Variants in IL12RB2 observed in about 807,000 individuals in gnomAD.
IL12RB2 encodes interleukin-12 receptor subunit beta-2.
IL12RB2 carries 82 observed loss-of-function variants against 89.4 expected under a neutral mutation model. The observed-to-expected ratio is 0.92, with a 90% CI of 0.77 to 1.10. The LOEUF (loss-of-function observed/expected upper bound fraction) is 1.10. Ranked by LOEUF, IL12RB2 falls within the 50% of genes least tolerant of loss-of-function variation. The probability of loss-of-function intolerance (pLI) is 0.00; values close to 1 mark genes in which losing one functional copy is unlikely to be tolerated. For missense variants in IL12RB2, 963 were observed against 1,031.9 expected, an observed-to-expected ratio of 0.93 and a Z score of 0.92; for synonymous variants, 368 against 370.1, an observed-to-expected ratio of 0.99 and a Z score of 0.07.
intron 9 of IL12RB2, 176 bp downstream of exon 9, chr1:67,338,879 T>G: frequency 1.6e-6 from 1 of 630,518 alleles, no homozygotes; most frequent in Non-Finnish European, 2.9e-6. Flanking sequence ...AGAGCTGAGT[T>G]CCTTCTTCCA....
chr1:67,387,014 C>T (rs928665014), intron 15 of IL12RB2, among the ~76,000 whole-genome samples: 6 of 151,066 alleles, frequency 4.0e-5, no homozygotes, highest in South Asian at 2.1e-4. Flanking sequence ...CTGCAACCTC[C>T]GCCTCCTGGG....
chr1:67,317,751 A>G (rs921303575), intron 2 of IL12RB2, among the ~76,000 whole-genome samples: 2 of 152,188 alleles, frequency 1.3e-5, no homozygotes, highest in African/African-American at 4.8e-5. Flanking sequence ...CCTCCTTCGC[A>G]TCTTTCTTTC....
chr1:67,379,948 C>T, intron 13 of IL12RB2, 38 bp from the exon 14 acceptor site: 1 of 1,486,178 alleles, frequency 6.7e-7, no homozygotes, highest in South Asian at 1.1e-5. Flanking sequence ...AAGCCATATC[C>T]TTTAATACAT....
chr1:67,387,351 C>T (rs1665309615), intron 15 of IL12RB2, among the ~76,000 whole-genome samples: 1 of 151,924 alleles, frequency 6.6e-6, no homozygotes, highest in Admixed American at 6.6e-5. Flanking sequence ...TTAACTAAAT[C>T]CTGATATATC....
At position 67,395,549 on chromosome 1, in the gene IL12RB2, G is replaced by GAAGACACA. The variant is rs1262398674; in HGVS notation, c.2050_2057dup (p.Leu687ArgfsTer10). The GAAGACACA allele has an allele frequency of 1.9e-6, 3 of 1,614,124 alleles. No homozygotes were observed. The highest frequency in any genetic ancestry group is 2.5e-6 in the Non-Finnish European group (3 of 1,180,052). ...CTCTTCCTCCTCCTTTCTCTCAGGA[G>GAAGACACA]AAGACACAGCTGCCCTTGGACAGGC... On this transcript the variant is annotated frameshift_variant, in exon 17 of 17. Coordinates refer to ENST00000674203, the MANE Select transcript of IL12RB2 (RefSeq NM_001374259.2). LOFTEE classifies it low-confidence loss of function (END_TRUNC).
intron 1 of IL12RB2, among the ~76,000 whole-genome samples, chr1:67,312,835 A>T (rs186726203): frequency 1.7e-3 from 259 of 152,352 alleles, no homozygotes; most frequent in African/African-American, 6.0e-3. Context: ...ATGCTTACCA[A>T]TGAAATTAGA....
intron 15 of IL12RB2, among the ~76,000 whole-genome samples, chr1:67,387,785 C>T (rs1010298021): frequency 1.3e-5 from 2 of 151,230 alleles, no homozygotes; most frequent in Admixed American, 6.6e-5. Flanking sequence ...CCAAACAATA[C>T]GTACTTTCAT....
At chr1:67,391,383 G>C (rs867206157) in intron 16 of IL12RB2, among the ~76,000 whole-genome samples, 1 of 133,250 alleles carries the variant, frequency 7.5e-6, no homozygotes. Context: ...GTGTGTGTGT[G>C]TCTATACACA....
At chr1:67,395,512 A>G (rs1402806606) in intron 16 of IL12RB2, 35 bp from the exon 17 acceptor site, 1 of 1,614,160 alleles carries the variant, frequency 6.2e-7, no homozygotes, top group Non-Finnish European at 8.5e-7. Context: ...TCACTTCTAC[A>G]GCAGTGTGAG....
At position 67,321,874 on chromosome 1, in the gene IL12RB2, G is replaced by C; in HGVS notation, c.349G>C (p.Glu117Gln). 1 of 1,613,944 alleles carries C rather than the reference G, an allele frequency of 6.2e-7. No homozygotes were observed. Among genetic ancestry groups the C allele is most frequent in the South Asian group, 1.1e-5 (1 of 91,072 alleles). ...NSDEIQICGA[E>Q]IFVGVAPEQP... ...TGATGAAATTCAAATATGTGGAGCAGAGATCTTCGTTGGTGGTGAGCATTC... is the reference window on the plus strand; with the variant it reads ...TGATGAAATTCAAATATGTGGAGCACAGATCTTCGTTGGTGGTGAGCATTC... The change falls in exon 4 of 17, where the codon GAG becomes CAG. Residue 117 changes from glutamate (E) to glutamine (Q), a missense_variant. Glu to Gln is a conservative substitution (Grantham distance 29). Coordinates refer to ENST00000674203, the MANE Select transcript of IL12RB2 (RefSeq NM_001374259.2).
chr1:67,371,415 T>TG (rs927332802), intron 11 of IL12RB2, among the ~76,000 whole-genome samples: 1 of 146,514 alleles, frequency 6.8e-6, no homozygotes, highest in Non-Finnish European at 1.5e-5. Context: ...TTATTCTTCC[T>TG]GAAAAAAAAA....
intron 10 of IL12RB2, among the ~76,000 whole-genome samples, chr1:67,366,949 C>CAATA (rs1345476947): frequency 5.9e-5 from 9 of 152,126 alleles, no homozygotes; most frequent in Non-Finnish European, 1.3e-4. Flanking sequence ...ATTTATCTCC[C>CAATA]AATACATTTC....
At chr1:67,344,879 CAGAG>C (rs1660044195) in intron 9 of IL12RB2, among the ~76,000 whole-genome samples, 1 of 152,074 alleles carries the variant, frequency 6.6e-6, no homozygotes, top group South Asian at 2.1e-4. Context: ...CAGAGCAATA[CAGAG>C]AGAGTTAAGA....
At chr1:67,377,016 TTTC>T (rs1259021445) in intron 13 of IL12RB2, among the ~76,000 whole-genome samples, 1 of 152,242 alleles carries the variant, frequency 6.6e-6, no homozygotes, top group African/African-American at 2.4e-5. Context: ...CACAAGGACT[TTTC>T]TCAACAGGAT....
At chr1:67,310,663 C>T (rs1241792275) in intron 1 of IL12RB2, among the ~76,000 whole-genome samples, 1 of 152,186 alleles carries the variant, frequency 6.6e-6, no homozygotes, top group African/African-American at 2.4e-5. Flanking sequence ...ATACCAGGTA[C>T]TCTGCTAACA....
intron 8 of IL12RB2, among the ~76,000 whole-genome samples, chr1:67,337,907 A>G (rs868842144): frequency 2.1e-3 from 258 of 123,710 alleles, no homozygotes; most frequent in African/African-American, 6.3e-3. Flanking sequence ...CTAGTAAAAA[A>G]AAAAAAAAAA....
intron 7 of IL12RB2, 108 bp from the exon 8 acceptor site, chr1:67,330,552 A>C: frequency 1.5e-6 from 1 of 687,866 alleles, no homozygotes; most frequent in Non-Finnish European, 2.6e-6. Flanking sequence ...GGTCTGAAAA[A>C]CAAATAAGAT....
At chr1:67,391,477 T>C (rs1665821630) in intron 16 of IL12RB2, among the ~76,000 whole-genome samples, 1 of 147,816 alleles carries the variant, frequency 6.8e-6, no homozygotes, top group Admixed American at 6.8e-5. Context: ...ACAGGTTATA[T>C]AATTATATAT....
rs1386195894 is a variant in IL12RB2 at position 67,397,724 on chromosome 1, T to C, written c.*1635T>C. ...CTTCCCTAAAGAACAGGATAAAAGA[T>C]CCAAAATACTTTTTCTTAAATTCCT... On this transcript the variant is annotated 3_prime_UTR_variant, in exon 17 of 17. Coordinates refer to ENST00000674203, the MANE Select transcript of IL12RB2 (RefSeq NM_001374259.2). 6.6e-6 allele frequency among the ~76,000 whole-genome samples: 1 copy of C among 152,218 alleles called. No individual in the cohort carries two copies. The highest frequency in any genetic ancestry group is 2.4e-5 in the African/African-American group (1 of 41,460).
Sources: allele counts gnomAD v4.1 joint callset (sites outside exome capture counted in the v4.1 genomes callset), GRCh38; gene constraint gnomAD v4.1.1; transcripts MANE v1.5; gene names NCBI Gene and HGNC (gene_info 2026-07-23, HGNC 2026-07-21).